The following HDAC8 variants were observed in gnomAD, a reference collection of about 807,000 sequenced individuals.
The protein encoded by HDAC8 is histone deacetylase-like 1.
In HDAC8, 1 loss-of-function variant was observed where a neutral mutation model predicts 32.2. The ratio of observed to expected loss-of-function variants is 0.03; its 90% CI spans 0.01 to 0.15. The LOEUF (loss-of-function observed/expected upper bound fraction) is 0.15. HDAC8 is among the 10% of genes least tolerant of loss of function. The probability of loss-of-function intolerance (pLI) is 1.00; values close to 1 mark genes in which losing one functional copy is unlikely to be tolerated. For missense variants in HDAC8, 117 were observed against 300.0 expected, an observed-to-expected ratio of 0.39 and a Z score of 4.51; for synonymous variants, 108 against 113.9, an observed-to-expected ratio of 0.95 and a Z score of 0.33.
chrX:72,419,916 T>G (rs899643960), intron 9 of HDAC8, among the ~76,000 whole-genome samples: 1 of 111,980 alleles, frequency 8.9e-6, no homozygotes, highest in Non-Finnish European at 1.9e-5. Context: ...TGATCGATTT[T>G]ATTACGTTAA....
intron 9 of HDAC8, among the ~76,000 whole-genome samples, chrX:72,353,883 G>T (rs1555949647): frequency 2.7e-5 from 3 of 112,125 alleles, no homozygotes; most frequent in Admixed American, 9.4e-5. Flanking sequence ...GGAATGTTCT[G>T]CCTCCAGGTG....
intron 7 of HDAC8, chrX:72,480,362 G>T (rs1556002520): frequency 9.1e-6 from 3 of 328,099 alleles, no homozygotes; most frequent in Admixed American, 3.1e-5. Context: ...TAATGAAATG[G>T]GGAATGTATT....
intron 9 of HDAC8, among the ~76,000 whole-genome samples, chrX:72,393,050 A>C (rs1257727768): frequency 8.9e-6 from 1 of 111,894 alleles, no homozygotes; most frequent in Non-Finnish European, 1.9e-5. Flanking sequence ...GTTCTTATTC[A>C]GCGTTGGTAG....
intron 4 of HDAC8, among the ~76,000 whole-genome samples, chrX:72,540,218 T>C (rs1478707118): frequency 1.8e-5 from 2 of 112,860 alleles, no homozygotes; most frequent in Non-Finnish European, 3.7e-5. Context: ...GGTTATGAAC[T>C]CTGAAGAATG....
intron 10 of HDAC8, among the ~76,000 whole-genome samples, chrX:72,334,783 C>A (rs919187446): frequency 2.8e-4 from 31 of 111,539 alleles, no homozygotes; most frequent in African/African-American, 1.0e-3. Flanking sequence ...ATACCTAAGG[C>A]ACCCCATTTC....
At chrX:72,571,183 CA>C (rs1556153481) in intron 2 of HDAC8, among the ~76,000 whole-genome samples, 1 of 111,645 alleles carries the variant, frequency 9.0e-6, no homozygotes, top group African/African-American at 3.3e-5. Flanking sequence ...CTCAGCCTCC[CA>C]AAGTACTAGG....
intron 2 of HDAC8, among the ~76,000 whole-genome samples, chrX:72,570,565 C>T (rs926729912): frequency 4.0e-4 from 41 of 102,401 alleles, no homozygotes; most frequent in Non-Finnish European, 7.3e-4. Flanking sequence ...GCCGAGATCG[C>T]GCCACTGCAC....
intron 9 of HDAC8, among the ~76,000 whole-genome samples, chrX:72,444,455 A>T (rs2047303083): frequency 9.0e-6 from 1 of 111,650 alleles, no homozygotes; most frequent in Non-Finnish European, 1.9e-5. Context: ...ATCTCAATAG[A>T]TGCAGAAAAG....
At chrX:72,507,097 C>T (rs1201961126) in intron 4 of HDAC8, among the ~76,000 whole-genome samples, 5 of 111,538 alleles carry the variant, frequency 4.5e-5, no homozygotes, top group Non-Finnish European at 7.5e-5. Flanking sequence ...AATCCACCCA[C>T]CTCGGCCTCC....
intron 10 of HDAC8, among the ~76,000 whole-genome samples, chrX:72,346,044 A>T (rs1027347430): frequency 8.9e-6 from 1 of 111,989 alleles, no homozygotes; most frequent in African/African-American, 3.2e-5. Flanking sequence ...TAACAACAGC[A>T]ATAACAACGA....
chrX:72,572,596 A>AGCGGCCC, intron 1 of HDAC8, 55 bp downstream of exon 1: 1 of 316,324 alleles, frequency 3.2e-6, no homozygotes, highest in Non-Finnish European at 5.6e-6. Flanking sequence ...TCTTTCGTCC[A>AGCGGCCC]CCGCCCCCAC....
intron 9 of HDAC8, among the ~76,000 whole-genome samples, chrX:72,455,548 C>T (rs928045485): frequency 8.9e-6 from 1 of 111,928 alleles, no homozygotes; most frequent in Non-Finnish European, 1.9e-5. Context: ...AATACTTGGA[C>T]ATTTGGCAAA....
At chrX:72,530,523 C>T (rs1556035249) in intron 4 of HDAC8, among the ~76,000 whole-genome samples, 1 of 108,185 alleles carries the variant, frequency 9.2e-6, no homozygotes, top group African/African-American at 3.4e-5. Context: ...GGGCAGAAAC[C>T]ATTATGTATA....
intron 9 of HDAC8, among the ~76,000 whole-genome samples, chrX:72,440,866 G>A (rs1160505483): frequency 5.3e-5 from 6 of 112,628 alleles, no homozygotes; most frequent in African/African-American, 9.7e-5. Flanking sequence ...AAAAAACGGC[G>A]CACCAGGACA....
chrX:72,420,617 AT>A (rs1318788077), intron 9 of HDAC8, among the ~76,000 whole-genome samples: 1 of 110,403 alleles, frequency 9.1e-6, no homozygotes, highest in East Asian at 2.8e-4. Context: ...TCTCTCTTCA[AT>A]TTTTTCAGCG....
At chrX:72,367,943 G>T (rs966652397) in intron 9 of HDAC8, among the ~76,000 whole-genome samples, 2 of 112,899 alleles carry the variant, frequency 1.8e-5, no homozygotes, top group African/African-American at 6.4e-5. Flanking sequence ...AGTGTGATTG[G>T]CACAAAATAT....
At chrX:72,473,604 T>G (rs1009308724) in intron 7 of HDAC8, 2 of 617,718 alleles carry the variant, frequency 3.2e-6, no homozygotes, top group Admixed American at 8.7e-5. Flanking sequence ...GTGGCAGAGC[T>G]GGTTTTTGAA....
At chrX:72,407,709 G>A (rs962401511) in intron 9 of HDAC8, among the ~76,000 whole-genome samples, 1 of 111,922 alleles carries the variant, frequency 8.9e-6, no homozygotes, top group African/African-American at 3.2e-5. Context: ...CCTCCAGAAG[G>A]AATGTAGTCC....
At chrX:72,450,338 C>T (rs782706955) in intron 9 of HDAC8, among the ~76,000 whole-genome samples, 2 of 111,999 alleles carry the variant, frequency 1.8e-5, no homozygotes, top group Non-Finnish European at 3.8e-5. Flanking sequence ...ATCCTGACGA[C>T]GGTAGTAGTT....
Sources: allele counts gnomAD v4.1 joint callset (sites outside exome capture counted in the v4.1 genomes callset), GRCh38; gene constraint gnomAD v4.1.1; transcripts MANE v1.5; gene names NCBI Gene and HGNC (gene_info 2026-07-23, HGNC 2026-07-21).